The following ARHGAP8 variants were observed in gnomAD, a reference collection of about 807,000 sequenced individuals.
ARHGAP8 encodes the protein rho GTPase-activating protein 8.
In ARHGAP8, 62 loss-of-function variants were observed where a neutral mutation model predicts 46.1. The ratio of observed to expected loss-of-function variants is 1.34; its 90% confidence interval spans 1.10 to 1.66. The LOEUF (loss-of-function observed/expected upper bound fraction) is 1.66, where lower values mean the gene tolerates loss of function less well. Among genes scored for constraint, ARHGAP8 ranks in the 40% most tolerant of loss-of-function variants. ARHGAP8 has a pLI of 0.00. For synonymous variants in ARHGAP8, 375 were observed against 243.1 expected, an observed-to-expected ratio of 1.54 and a Z score of -5.05; for missense variants, 923 against 568.4, an observed-to-expected ratio of 1.62 and a Z score of -6.34.
rs1475591630 is a variant in ARHGAP8, at chr22:44,859,668, G to T, written c.878-63G>T. ...TCCTACACCCCTGTTCTCCTCCCGG[G>T]CCGGGATGCAGCGCTGCCCCTGGCC... On this transcript the variant is annotated intron_variant, in intron 10 of 11. Coordinates refer to ENST00000356099, the MANE Select transcript of ARHGAP8 (RefSeq NM_181335.3). 12 of 1,574,972 alleles carry T rather than the reference G, an allele frequency of 7.6e-6. No homozygotes were observed. In the South Asian group the frequency reaches 7.8e-5, roughly 10 times the overall value.
chr22:44,830,640 G>A (rs189464559), intron 7 of ARHGAP8, among the ~76,000 whole-genome samples: 25 of 152,090 alleles, frequency 1.6e-4, no homozygotes, highest in South Asian at 6.2e-4. Flanking sequence ...GGGTTCAAGC[G>A]ATTCTCCTGT....
intron 3 of ARHGAP8, among the ~76,000 whole-genome samples, chr22:44,803,180 G>A (rs1928678966): frequency 6.6e-6 from 1 of 152,166 alleles, no homozygotes; most frequent in Non-Finnish European, 1.5e-5. Context: ...GGCAGGACGT[G>A]GAAGGGGCCG....
chr22:44,859,873 G>A (rs777925453), intron 11 of ARHGAP8, 39 bp downstream of exon 11: 18 of 1,604,288 alleles, frequency 1.1e-5, no homozygotes, highest in Middle Eastern at 3.3e-4. Flanking sequence ...GAAGCCCAGT[G>A]GCCTTCCCTC....
chr22:44,823,707 T>C (rs1187071781), intron 6 of ARHGAP8, among the ~76,000 whole-genome samples: 5 of 152,100 alleles, frequency 3.3e-5, no homozygotes, highest in Non-Finnish European at 7.3e-5. Flanking sequence ...GTGGAAGTGA[T>C]TTGGTCTGGT....
Position 44,862,575 on chromosome 22 carries a change from G to A in ARHGAP8, c.1282G>A (p.Ala428Thr). The change falls in exon 12 of 12, where the codon GCA becomes ACA. Residue 428 changes from alanine (A) to threonine (T), a missense_variant. Ala to Thr is a moderately conservative substitution (Grantham distance 58, BLOSUM62 0). Coordinates refer to ENST00000356099, the MANE Select transcript of ARHGAP8 (RefSeq NM_181335.3). ...KPTLPPSPLM[A>T]ARRRL ...TACCCTACCTCCGAGTCCCCTGATGGCAGCCAGAAGACGTCTCTAGTGTTG... is the reference window on the plus strand; with the variant it reads ...TACCCTACCTCCGAGTCCCCTGATGACAGCCAGAAGACGTCTCTAGTGTTG... 5 of 1,589,144 alleles carry A rather than the reference G, an allele frequency of 3.1e-6. No homozygotes were observed. The highest frequency in any genetic ancestry group is 1.7e-5 in the Admixed American group (1 of 58,570).
chr22:44,838,695 C>G (rs924939000), intron 7 of ARHGAP8, among the ~76,000 whole-genome samples: 28 of 152,332 alleles, frequency 1.8e-4, no homozygotes, highest in African/African-American at 6.7e-4. Flanking sequence ...GGGTCTCCCT[C>G]CCCGGGAACA....
rs538739389 is a variant in ARHGAP8 at position 44,781,271 on chromosome 22, G to T, written c.-71-5186G>T. Among the ~76,000 whole-genome samples, 5 of 152,300 alleles carry T rather than the reference G, an allele frequency of 3.3e-5. No individual in the cohort carries two copies. In the South Asian group the frequency reaches 8.3e-4, roughly 25 times the overall value. On this transcript the variant is annotated intron_variant, in intron 1 of 11. Coordinates refer to ENST00000356099, the MANE Select transcript of ARHGAP8 (RefSeq NM_181335.3). ...GCTTGGTTTGCTTCCAAGAACTCAT[G>T]ATTTTGCCTTCTGGTTTACTCTCCT...
At chr22:44,858,619 C>T (rs944617387) in intron 10 of ARHGAP8, among the ~76,000 whole-genome samples, 9 of 145,298 alleles carry the variant, frequency 6.2e-5, no homozygotes, top group Non-Finnish European at 1.0e-4. Flanking sequence ...GATGTGCCTG[C>T]CTCGGCCTCC....
rs2070026860 is a variant in ARHGAP8, at chr22:44,848,914, G to A, written c.749-18G>A. 8 of 1,613,954 alleles carry A rather than the reference G, an allele frequency of 5.0e-6. No individual in the cohort carries two copies. The highest frequency in any genetic ancestry group is 1.6e-4 in the Middle Eastern group (1 of 6,062). On this transcript the variant is annotated intron_variant, in intron 9 of 11. Transcript: ENST00000356099. ...AGGCCGGGGTGCAGACCTCAGCAGTGCTGTGTTGTGTGTGCAGGGAAGCCC... is the reference window on the plus strand; with the variant it reads ...AGGCCGGGGTGCAGACCTCAGCAGTACTGTGTTGTGTGTGCAGGGAAGCCC...
rs1021208710 is a variant in ARHGAP8, at chr22:44,851,467, C to T, written c.877+2407C>T. ...CGCTCTGTCGCCCAGGCTGGAGTGC[C>T]GTGGCATAATCTCGGCACACTGCAA... is the stretch of plus-strand genomic sequence containing the variant. On this transcript the variant is annotated intron_variant, in intron 10 of 11. Coordinates refer to ENST00000356099, the MANE Select transcript of ARHGAP8 (RefSeq NM_181335.3). 1.1e-4 allele frequency among the ~76,000 whole-genome samples: 17 copies of T among 151,918 alleles called. No individual in the cohort carries two copies. In the East Asian group the frequency reaches 1.4e-3, roughly 12 times the overall value.
intron 10 of ARHGAP8, among the ~76,000 whole-genome samples, chr22:44,858,231 T>C (rs1407252392): frequency 6.6e-6 from 1 of 152,298 alleles, no homozygotes; most frequent in East Asian, 1.9e-4. Flanking sequence ...CAAGGCTCAG[T>C]GGGAGGGTGA....
chr22:44,862,143 T>G (rs907056661), intron 11 of ARHGAP8, 132 bp from the exon 12 acceptor site: 14 of 1,120,124 alleles, frequency 1.2e-5, no homozygotes, highest in African/African-American at 1.2e-4. Flanking sequence ...AGGGTCCCCA[T>G]TACTGGCTGC....
At chr22:44,858,369 G>GTTTTC (rs1481535425) in intron 10 of ARHGAP8, among the ~76,000 whole-genome samples, 15,808 of 141,988 alleles carry the variant, frequency 0.11, 910 homozygotes, top group African/African-American at 0.14. Context: ...GTTGGTGGTG[G>GTTTTC]TTTTTTTTTT....
intron 7 of ARHGAP8, among the ~76,000 whole-genome samples, chr22:44,844,306 C>T (rs564490689): frequency 2.0e-5 from 3 of 151,928 alleles, no homozygotes; most frequent in African/African-American, 7.2e-5. Context: ...AAATGAAGTC[C>T]TAAAAAATAA....
At chr22:44,832,799 G>A (rs1931034454) in intron 7 of ARHGAP8, among the ~76,000 whole-genome samples, 1 of 152,108 alleles carries the variant, frequency 6.6e-6, no homozygotes, top group South Asian at 2.1e-4. Context: ...AAAATGATAA[G>A]AGCAGACATG....
intron 11 of ARHGAP8, among the ~76,000 whole-genome samples, chr22:44,860,050 CCCTGCCTGCTCCTGTA>C (rs568868675): frequency 1.2e-3 from 186 of 152,284 alleles, no homozygotes; most frequent in African/African-American, 4.4e-3. Context: ...GCGTACCTGC[CCCTGCCTGCTCCTGTA>C]CCTGCTGTCC....
chr22:44,853,034 C>T (rs1450306810), intron 10 of ARHGAP8, among the ~76,000 whole-genome samples: 4 of 152,174 alleles, frequency 2.6e-5, no homozygotes, highest in African/African-American at 9.7e-5. Flanking sequence ...AATCTCCTGA[C>T]CTTGTGATCC....
At chr22:44,820,447 G>A (rs1042872799) in intron 5 of ARHGAP8, among the ~76,000 whole-genome samples, 20 of 152,190 alleles carry the variant, frequency 1.3e-4, no homozygotes, top group East Asian at 1.9e-4. Flanking sequence ...CACACAGGAC[G>A]TTGACAGTAC....
At chr22:44,820,802 A>G (rs1484513599) in intron 5 of ARHGAP8, among the ~76,000 whole-genome samples, 5 of 151,882 alleles carry the variant, frequency 3.3e-5, no homozygotes, top group African/African-American at 7.3e-5. Context: ...CACTAGGGGG[A>G]GCCAGTGCAC....
Sources: allele counts gnomAD v4.1 joint callset (sites outside exome capture counted in the v4.1 genomes callset), GRCh38; gene constraint gnomAD v4.1.1; transcripts MANE v1.5; gene names NCBI Gene and HGNC (gene_info 2026-07-23, HGNC 2026-07-21).